The following CISD1 variants were observed in gnomAD, a reference collection of about 807,000 sequenced individuals.
The protein encoded by CISD1 is CDGSH iron sulfur domain 1, also known as CDGSH iron-sulfur domain-containing protein 1.
Under a neutral mutation model 12.0 loss-of-function variants are expected in CISD1, and 8 were observed. The ratio of observed to expected loss-of-function variants is 0.67; its 90% CI spans 0.39 to 1.20. The LOEUF (loss-of-function observed/expected upper bound fraction) is 1.20, where lower values mean the gene tolerates loss of function less well. CISD1 is among the 50% of genes most tolerant of loss of function. The pLI is 0.01. For missense variants in CISD1, 107 were observed against 132.7 expected, an observed-to-expected ratio of 0.81 and a Z score of 0.95; for synonymous variants, 38 against 42.2, an observed-to-expected ratio of 0.90 and a Z score of 0.39.
intron 2 of CISD1, among the ~76,000 whole-genome samples, chr10:58,282,640 GC>G (rs1839385621): frequency 6.6e-6 from 1 of 152,168 alleles, no homozygotes; most frequent in Non-Finnish European, 1.5e-5. Flanking sequence ...TCACAAAAGG[GC>G]TATCCATATT....
At chr10:58,285,644 C>T (rs1291857977) in intron 2 of CISD1, among the ~76,000 whole-genome samples, 1 of 152,050 alleles carries the variant, frequency 6.6e-6, no homozygotes, top group East Asian at 1.9e-4. Context: ...ATAATTATTC[C>T]TTCTAAGTGT....
rs1270290677 is a variant in CISD1, at chr10:58,288,984, T to A, written c.*1334T>A. ...TGTAATATATGATCATGGCTATTTTTAAATATGTAGTTTTGTGTATTACTG... is the reference window on the plus strand; with the variant it reads ...TGTAATATATGATCATGGCTATTTTAAAATATGTAGTTTTGTGTATTACTG... On this transcript the variant is annotated 3_prime_UTR_variant, in exon 3 of 3. Coordinates refer to ENST00000333926, the MANE Select transcript of CISD1 (RefSeq NM_018464.5). The A allele has an allele frequency of 6.6e-6, 1 of 152,232 alleles. No homozygotes were observed. The highest frequency in any genetic ancestry group is 1.5e-5 in the Non-Finnish European group (1 of 67,930). 9.4% of individuals were successfully genotyped at this position (152,232 alleles called of 1,614,324 possible). A position where few individuals can be genotyped will look rare whatever the true frequency, so the allele number is the denominator to read the frequency against.
chr10:58,269,215 C>A lies in CISD1; in HGVS notation c.-59C>A. 1 of 1,576,570 alleles carries A rather than the reference C, an allele frequency of 6.3e-7. No homozygotes were observed. Among genetic ancestry groups the A allele is most frequent in the Non-Finnish European group, 8.6e-7 (1 of 1,156,700 alleles). On this transcript the variant is annotated 5_prime_UTR_variant, in exon 1 of 3. Coordinates refer to ENST00000333926, the MANE Select transcript of CISD1 (RefSeq NM_018464.5). ...CCGCTGGCACCTTTACTCTCGCCGG[C>A]CGCGCGAACCCGTTTGAGCTCGGTA...
intron 1 of CISD1, among the ~76,000 whole-genome samples, chr10:58,270,322 A>C (rs1269976810): frequency 6.6e-6 from 1 of 152,220 alleles, no homozygotes; most frequent in Admixed American, 6.5e-5. Flanking sequence ...TGACATTTCG[A>C]AGTTACTAAT....
intron 1 of CISD1, among the ~76,000 whole-genome samples, chr10:58,275,792 A>G (rs1435561068): frequency 6.6e-6 from 1 of 152,238 alleles, no homozygotes; most frequent in African/African-American, 2.4e-5. Flanking sequence ...AAATTATTAA[A>G]TAAACTAGAA....
At chr10:58,277,963 A>G (rs957248722) in intron 2 of CISD1, among the ~76,000 whole-genome samples, 7 of 152,230 alleles carry the variant, frequency 4.6e-5, no homozygotes, top group Non-Finnish European at 8.8e-5. Flanking sequence ...TAAATGTCCT[A>G]TACCTTCTTT....
At chr10:58,270,888 G>C (rs1169274279) in intron 1 of CISD1, among the ~76,000 whole-genome samples, 1 of 151,960 alleles carries the variant, frequency 6.6e-6, no homozygotes, top group East Asian at 1.9e-4. Context: ...TTTTGAGACA[G>C]AGTCTCACTC....
At chr10:58,279,458 T>G (rs1839350965) in intron 2 of CISD1, among the ~76,000 whole-genome samples, 2 of 152,172 alleles carry the variant, frequency 1.3e-5, no homozygotes, top group Admixed American at 1.3e-4. Flanking sequence ...GAAAGCATAT[T>G]TCACTCCTTT....
At chr10:58,278,986 T>G (rs138457649) in intron 2 of CISD1, among the ~76,000 whole-genome samples, 7 of 152,328 alleles carry the variant, frequency 4.6e-5, no homozygotes, top group African/African-American at 1.7e-4. Flanking sequence ...ACTGAATTAA[T>G]GGTATGTTAT....
At chr10:58,275,349 G>T (rs190233508) in intron 1 of CISD1, among the ~76,000 whole-genome samples, 9 of 152,310 alleles carry the variant, frequency 5.9e-5, no homozygotes, top group African/African-American at 1.9e-4. Flanking sequence ...CATTAGAAAG[G>T]AAGATCATGA....
intron 2 of CISD1, 63 bp from the exon 3 acceptor site, chr10:58,287,498 C>A: frequency 8.4e-7 from 1 of 1,194,406 alleles, no homozygotes; most frequent in Non-Finnish European, 1.2e-6. Flanking sequence ...TCACCTTCCA[C>A]TCTGCCGAGC....
chr10:58,275,707 G>A (rs1392576337), intron 1 of CISD1, among the ~76,000 whole-genome samples: 2 of 152,214 alleles, frequency 1.3e-5, no homozygotes, highest in East Asian at 1.9e-4. Flanking sequence ...TAGAAAGTGA[G>A]GATAAACCGG....
At chr10:58,275,375 A>G (rs143689466) in intron 1 of CISD1, among the ~76,000 whole-genome samples, 19 of 152,362 alleles carry the variant, frequency 1.2e-4, no homozygotes, top group Non-Finnish European at 2.4e-4. Flanking sequence ...GCCAGAAGTC[A>G]TAGCAAAATT....
intron 1 of CISD1, among the ~76,000 whole-genome samples, chr10:58,274,983 A>G (rs1839296545): frequency 6.6e-6 from 1 of 152,230 alleles, no homozygotes; most frequent in Non-Finnish European, 1.5e-5. Context: ...AAATTAACCA[A>G]TACTAACCAA....
intron 1 of CISD1, among the ~76,000 whole-genome samples, chr10:58,275,096 A>G (rs1441713561): frequency 1.3e-5 from 2 of 152,222 alleles, no homozygotes; most frequent in African/African-American, 4.8e-5. Context: ...AAGTGTAACT[A>G]AAATCGACAG....
At position 58,269,293 on chromosome 10, in the gene CISD1, C is replaced by T. The variant is rs1466166694; in HGVS notation, c.20C>T (p.Ser7Phe). 1.9e-6 allele frequency: 3 copies of T among 1,609,056 alleles called. No individual in the cohort carries two copies. The highest frequency in any genetic ancestry group is 2.2e-5 in the South Asian group (2 of 91,038). ...GGCGCCATGAGTCTGACTTCCAGTTCCAGCGTACGAGGTGAAGTGGGGCCT... is the reference window on the plus strand; with the variant it reads ...GGCGCCATGAGTCTGACTTCCAGTTTCAGCGTACGAGGTGAAGTGGGGCCT... The part of the protein sequence containing the change: MSLTSS[S>F]SVRVEWIAAV... Residue 7 changes from serine (S) to phenylalanine (F), a missense_variant, in exon 1 of 3, where the codon TCC becomes TTC. Ser to Phe is a radical substitution (Grantham distance 155). Coordinates refer to ENST00000333926, the MANE Select transcript of CISD1 (RefSeq NM_018464.5).
intron 1 of CISD1, among the ~76,000 whole-genome samples, chr10:58,269,509 G>A (rs192473861): frequency 1.4e-4 from 22 of 152,310 alleles, no homozygotes; most frequent in African/African-American, 5.1e-4. Flanking sequence ...ATGGTTTGGG[G>A]CCATGCCGGA....
intron 2 of CISD1, among the ~76,000 whole-genome samples, chr10:58,284,665 GAT>G (rs1452272938): frequency 6.6e-6 from 1 of 151,616 alleles, no homozygotes; most frequent in Non-Finnish European, 1.5e-5. Flanking sequence ...TCTCACTTTT[GAT>G]ATATGACTTT....
chr10:58,278,206 T>G (rs1045471041), intron 2 of CISD1, among the ~76,000 whole-genome samples: 20 of 152,180 alleles, frequency 1.3e-4, no homozygotes, highest in African/African-American at 4.6e-4. Flanking sequence ...GTGAGAAATA[T>G]GGTATAAACA....
Sources: gnomAD v4.1 joint callset for allele counts (sites outside exome capture counted in the v4.1 genomes callset) on GRCh38, gnomAD v4.1.1 for gene constraint, MANE v1.5 for transcripts, NCBI Gene and HGNC (gene_info 2026-07-23, HGNC 2026-07-21) for gene names.